Variants in ANKRD27 observed in about 807,000 individuals in gnomAD.
ANKRD27 encodes ankyrin repeat domain-containing protein 27.
In ANKRD27, 112 loss-of-function variants were observed where a neutral mutation model predicts 129.7. The observed-to-expected ratio is 0.86, with a 90% CI of 0.74 to 1.01. The LOEUF is 1.01. Ranked by LOEUF, ANKRD27 falls within the 50% of genes least tolerant of loss-of-function variation. The probability of loss-of-function intolerance (pLI) is 0.00; values close to 1 mark genes in which losing one functional copy is unlikely to be tolerated. For synonymous variants in ANKRD27, 516 were observed against 511.2 expected, an observed-to-expected ratio of 1.01 and a Z score of -0.13; for missense variants, 1,258 against 1,300.5, an observed-to-expected ratio of 0.97 and a Z score of 0.50.
Position 32,597,714 on chromosome 19 carries a change from A to T in ANKRD27, c.*431T>A, listed in dbSNP as rs186939547. 2.1e-4 allele frequency: 38 copies of T among 181,234 alleles called. No individual in the cohort carries two copies. The East Asian group carries it at 3.2e-3, about 15-fold the overall frequency. 11.2% of individuals were successfully genotyped at this position (181,234 alleles called of 1,614,324 possible). On this transcript the variant is annotated 3_prime_UTR_variant, in exon 29 of 29. Transcript: ENST00000306065. ...TCTACAGTACCATGAAACCTAAATTACTTACTTCTCTCCAGCTTAATCCTA... is the reference window on the plus strand; with the variant it reads ...TCTACAGTACCATGAAACCTAAATTTCTTACTTCTCTCCAGCTTAATCCTA...
intron 1 of ANKRD27, among the ~76,000 whole-genome samples, chr19:32,674,664 G>C (rs1450316446): frequency 6.6e-6 from 1 of 151,710 alleles, no homozygotes; most frequent in Non-Finnish European, 1.5e-5. Flanking sequence ...CGCGCGGCTC[G>C]GACCCCCACC....
At chr19:32,644,615 G>GT in intron 4 of ANKRD27, 136 bp from the exon 5 acceptor site, 1 of 1,010,556 alleles carries the variant, frequency 9.9e-7, no homozygotes, top group Non-Finnish European at 1.4e-6. Context: ...GAACAGCCCA[G>GT]TTACAGGACA....
At chr19:32,611,725 G>A (rs944450279) in intron 22 of ANKRD27, among the ~76,000 whole-genome samples, 6 of 152,120 alleles carry the variant, frequency 3.9e-5, no homozygotes, top group African/African-American at 1.2e-4. Context: ...GGGATTACAG[G>A]CATGCACCAC....
chr19:32,666,647 T>TC (rs1967763139), intron 1 of ANKRD27, among the ~76,000 whole-genome samples: 1 of 147,800 alleles, frequency 6.8e-6, no homozygotes, highest in African/African-American at 2.5e-5. Flanking sequence ...TTCTATTTTT[T>TC]TTTTTTTTTT....
chr19:32,623,550 TG>T (rs1972045395), intron 17 of ANKRD27, among the ~76,000 whole-genome samples: 1 of 145,660 alleles, frequency 6.9e-6, no homozygotes. Context: ...AGAGACCTGT[TG>T]TTTTTTTTTT....
chr19:32,654,834 T>G (rs1568417087), intron 2 of ANKRD27, among the ~76,000 whole-genome samples: 2 of 152,206 alleles, frequency 1.3e-5, no homozygotes, highest in East Asian at 1.9e-4. Context: ...TGGGCTGGAG[T>G]GCAGTGGCGC....
At position 32,616,969 on chromosome 19, in the gene ANKRD27, A is replaced by G. The variant is rs60589025; in HGVS notation, c.2052+620T>C. Among the ~76,000 whole-genome samples, 862 of 152,258 alleles carry G rather than the reference A, an allele frequency of 5.7e-3. 30 individuals are homozygous for G. The East Asian group carries it at 0.1, about 18-fold the overall frequency. ...CACTGGCTAGTGGGCCTGGGCTCTG[A>G]GCCCACACTCTGTGCCTCGGACATG... On this transcript the variant is annotated intron_variant, in intron 21 of 28. Coordinates refer to ENST00000306065, the MANE Select transcript of ANKRD27 (RefSeq NM_032139.3).
intron 23 of ANKRD27, among the ~76,000 whole-genome samples, chr19:32,606,214 G>GT (rs1181779142): frequency 6.8e-6 from 1 of 146,244 alleles, no homozygotes; most frequent in Non-Finnish European, 1.5e-5. Context: ...GTGCAGTGGC[G>GT]TGATCTTGGC....
At chr19:32,643,840 T>A in intron 5 of ANKRD27, 1 of 577,672 alleles carries the variant, frequency 1.7e-6, no homozygotes, top group East Asian at 2.9e-5. Context: ...ATAATAATAC[T>A]CATTGTTATA....
At chr19:32,643,063 CG>C in intron 9 of ANKRD27, 59 bp downstream of exon 9, 1 of 1,554,800 alleles carries the variant, frequency 6.4e-7, no homozygotes, top group East Asian at 2.2e-5. Flanking sequence ...GGCCTGCTTC[CG>C]GGAGAAGACA....
intron 2 of ANKRD27, among the ~76,000 whole-genome samples, chr19:32,655,654 G>A (rs1967504246): frequency 6.6e-6 from 1 of 151,998 alleles, no homozygotes. Context: ...GCCAAGGCAG[G>A]AGGATCGCCT....
intron 15 of ANKRD27, among the ~76,000 whole-genome samples, chr19:32,627,337 T>A (rs1163535084): frequency 2.6e-5 from 4 of 151,872 alleles, no homozygotes; most frequent in Non-Finnish European, 5.9e-5. Flanking sequence ...GGACCTTATG[T>A]TTTCTATCTT....
chr19:32,646,504 T>C lies in ANKRD27; in HGVS notation c.325A>G (p.Ser109Gly). 3 of 1,614,198 alleles carry C rather than the reference T, an allele frequency of 1.9e-6. No homozygotes were observed. Among genetic ancestry groups the C allele is most frequent in the Non-Finnish European group, 2.5e-6 (3 of 1,180,012 alleles). Residue 109 changes from serine (S) to glycine (G), a missense_variant, in exon 4 of 29, where the codon AGC (serine) becomes GGC (glycine). Coordinates refer to ENST00000306065, the MANE Select transcript of ANKRD27 (RefSeq NM_032139.3). Reference sequence around the variant, plus strand: ...AAAGGATGGGCTATACACAGGATGCTGAAACTCTCTTCTTTTTCATTGTAG... The same window carrying C: ...AAAGGATGGGCTATACACAGGATGCCGAAACTCTCTTCTTTTTCATTGTAG... ...TFYNEKEESF[S>G]ILCIAHPLEK...
At chr19:32,606,098 T>C in intron 23 of ANKRD27, 144 bp from the exon 24 acceptor site, 1 of 693,734 alleles carries the variant, frequency 1.4e-6, no homozygotes, top group Non-Finnish European at 2.1e-6. Flanking sequence ...TGATATTCTT[T>C]TGACTTGTCT....
intron 1 of ANKRD27, among the ~76,000 whole-genome samples, chr19:32,667,371 C>A (rs1967780060): frequency 1.3e-5 from 2 of 152,186 alleles, no homozygotes; most frequent in South Asian, 4.1e-4. Flanking sequence ...ATTTTCCTTT[C>A]TGTTTTATTT....
intron 20 of ANKRD27, among the ~76,000 whole-genome samples, chr19:32,618,206 T>A (rs1971951697): frequency 6.6e-6 from 1 of 152,052 alleles, no homozygotes; most frequent in South Asian, 2.1e-4. Context: ...TATATTTATA[T>A]GTATATACAT....
intron 17 of ANKRD27, among the ~76,000 whole-genome samples, chr19:32,623,611 G>A (rs965043929): frequency 6.6e-6 from 1 of 150,546 alleles, no homozygotes; most frequent in Non-Finnish European, 1.5e-5. Context: ...GTACAGCAGT[G>A]CAATCTCAGC....
chr19:32,608,475 T>A, intron 22 of ANKRD27: 1 of 284,506 alleles, frequency 3.5e-6, no homozygotes, highest in Non-Finnish European at 7.3e-6. Context: ...GAGAATAATT[T>A]TACTTTTTGA....
chr19:32,643,891 A>G, intron 5 of ANKRD27: 1 of 510,778 alleles, frequency 2.0e-6, no homozygotes, highest in South Asian at 2.2e-5. Flanking sequence ...TTTTCTTTTT[A>G]AGAGACAGGG....
Sources: gnomAD v4.1 joint callset for allele counts (sites outside exome capture counted in the v4.1 genomes callset) on GRCh38, gnomAD v4.1.1 for gene constraint, MANE v1.5 for transcripts, NCBI Gene and HGNC (gene_info 2026-07-23, HGNC 2026-07-21) for gene names.